PTPRQ: variants seen among roughly 807,000 people sequenced by gnomAD.
The protein encoded by PTPRQ is phosphatidylinositol phosphatase PTPRQ.
Under a neutral mutation model 246.0 loss-of-function variants are expected in PTPRQ, and 199 were observed. The ratio of observed to expected loss-of-function variants is 0.81; its 90% confidence interval spans 0.72 to 0.91. The LOEUF (loss-of-function observed/expected upper bound fraction) is 0.91, where lower values mean the gene tolerates loss of function less well. Among genes scored for constraint, PTPRQ ranks in the 40% least tolerant of loss-of-function variants. PTPRQ has a pLI of 0.00. For synonymous variants in PTPRQ, 869 were observed against 853.2 expected, an observed-to-expected ratio of 1.02 and a Z score of -0.32; for missense variants, 2,624 against 2,528.4, an observed-to-expected ratio of 1.04 and a Z score of -0.81.
At chr12:80,540,804 C>G (rs1382809504) in intron 20 of PTPRQ, among the ~76,000 whole-genome samples, 1 of 152,066 alleles carries the variant, frequency 6.6e-6, no homozygotes, top group Non-Finnish European at 1.5e-5. Context: ...AATATATGAT[C>G]AATACCATTT....
chr12:80,622,429 C>A (rs1899030022), intron 33 of PTPRQ, among the ~76,000 whole-genome samples: 1 of 151,790 alleles, frequency 6.6e-6, no homozygotes, highest in Admixed American at 6.6e-5. Context: ...AAGTCTGGAG[C>A]CATTTTTGGC....
intron 17 of PTPRQ, among the ~76,000 whole-genome samples, chr12:80,522,845 C>T (rs1895547452): frequency 6.6e-6 from 1 of 152,086 alleles, no homozygotes; most frequent in South Asian, 2.1e-4. Context: ...GTGTCTCTGC[C>T]AGGCTTTGGT....
intron 25 of PTPRQ, among the ~76,000 whole-genome samples, chr12:80,583,372 G>A (rs1174111641): frequency 6.6e-6 from 1 of 152,122 alleles, no homozygotes; most frequent in Middle Eastern, 3.2e-3. Context: ...GGATGCGGAA[G>A]CAAAATCTTT....
rs749210663 is a variant in PTPRQ at position 80,669,466 on chromosome 12, T to TA, written c.6453+12dup. The TA allele has an allele frequency of 3.0e-3, 3,531 of 1,196,376 alleles. No homozygotes were observed. Among genetic ancestry groups the TA allele is most frequent in the Admixed American group, 7.9e-3 (279 of 35,168 alleles). The allele number at this position is 1,196,376 out of a possible 1,614,324, so 74.1% of individuals were successfully genotyped here. ...ATCAGGGATCTGAAAATTGAAAGGG[T>TA]AAAAAAAAAAGGGGGGGACGAGAGA... On this transcript the variant is annotated splice_region_variant and intron_variant, in intron 41 of 44. Coordinates refer to ENST00000644991, the MANE Select transcript of PTPRQ (RefSeq NM_001145026.2).
At chr12:80,588,498 G>C (rs185740816) in intron 26 of PTPRQ, 46 bp downstream of exon 26, 1 of 1,420,922 alleles carries the variant, frequency 7.0e-7, no homozygotes, top group African/African-American at 1.4e-5. Context: ...GTTATATTCT[G>C]TATCTGTCTA....
At position 80,611,731 on chromosome 12, in the gene PTPRQ, G is replaced by A. The variant is rs368829961; in HGVS notation, c.4918+1106G>A. Among the ~76,000 whole-genome samples, 14 of 150,418 alleles carry A rather than the reference G, an allele frequency of 9.3e-5. No individual in the cohort carries two copies. In the East Asian group the frequency reaches 1.8e-3, roughly 19 times the overall value. ...GTATAACCAAAAATCTGGGTACTAGGAAATTTTTTACAACATTGAGAGAAT... is the reference window on the plus strand; with the variant it reads ...GTATAACCAAAAATCTGGGTACTAGAAAATTTTTTACAACATTGAGAGAAT... On this transcript the variant is annotated intron_variant, in intron 28 of 44. Coordinates refer to ENST00000644991, the MANE Select transcript of PTPRQ (RefSeq NM_001145026.2).
intron 38 of PTPRQ, among the ~76,000 whole-genome samples, chr12:80,654,048 C>CTTTT (rs1565843384): frequency 7.1e-6 from 1 of 141,386 alleles, no homozygotes; most frequent in African/African-American, 2.8e-5. Context: ...TTCTTTCTTT[C>CTTTT]TTTTCTTTCT....
chr12:80,508,859 C>T (rs10862156), intron 16 of PTPRQ, among the ~76,000 whole-genome samples: 48,877 of 151,754 alleles, frequency 0.32, 9,157 homozygotes, highest in African/African-American at 0.51. Context: ...AAAGACACCA[C>T]GCTTTATCTG....
At chr12:80,666,577 G>T (rs1900793111) in intron 39 of PTPRQ, among the ~76,000 whole-genome samples, 1 of 151,914 alleles carries the variant, frequency 6.6e-6, no homozygotes, top group African/African-American at 2.4e-5. Flanking sequence ...CCAACATAAA[G>T]AAATTATAAA....
At chr12:80,674,740 C>A (rs897624158) in intron 43 of PTPRQ, among the ~76,000 whole-genome samples, 1 of 151,940 alleles carries the variant, frequency 6.6e-6, no homozygotes, top group East Asian at 1.9e-4. Context: ...TAGGTATTCT[C>A]AAAAAAGAAA....
chr12:80,452,185 A>G (rs1466190032), intron 3 of PTPRQ, among the ~76,000 whole-genome samples: 17 of 139,826 alleles, frequency 1.2e-4, no homozygotes, highest in African/African-American at 4.7e-4. Flanking sequence ...TAGGATTGCA[A>G]CCCCTGCCTT....
intron 3 of PTPRQ, among the ~76,000 whole-genome samples, chr12:80,450,714 C>T (rs903490895): frequency 6.6e-6 from 1 of 152,178 alleles, no homozygotes; most frequent in Non-Finnish European, 1.5e-5. Context: ...AGCCTTGCAT[C>T]CCAGGGATGA....
chr12:80,482,577 A>C (rs1156566145), intron 8 of PTPRQ, among the ~76,000 whole-genome samples: 1 of 150,524 alleles, frequency 6.6e-6, no homozygotes, highest in Non-Finnish European at 1.5e-5. Context: ...CTACCATCAG[A>C]GCGAACAGGC....
chr12:80,444,446 T>C (rs1406156772), intron 1 of PTPRQ, 47 bp downstream of exon 1: 2 of 1,099,582 alleles, frequency 1.8e-6, no homozygotes, highest in Non-Finnish European at 1.3e-6. Flanking sequence ...TCATGGGCTG[T>C]AGATTTCTCA....
chr12:80,573,863 A>G (rs917315767), intron 25 of PTPRQ, among the ~76,000 whole-genome samples: 1 of 151,986 alleles, frequency 6.6e-6, no homozygotes, highest in Non-Finnish European at 1.5e-5. Context: ...GATCATTATG[A>G]TTTTCTTGCT....
chr12:80,571,721 T>G (rs1356389619), intron 25 of PTPRQ, among the ~76,000 whole-genome samples: 5 of 151,174 alleles, frequency 3.3e-5, no homozygotes, highest in African/African-American at 7.3e-5. Flanking sequence ...TGATTCAAAG[T>G]TTTTTTTTGT....
chr12:80,621,058 T>C (rs1366178530), intron 32 of PTPRQ, among the ~76,000 whole-genome samples: 1 of 151,930 alleles, frequency 6.6e-6, no homozygotes, highest in Non-Finnish European at 1.5e-5. Context: ...TAATTTTTAC[T>C]AGTAATTTTT....
At position 80,479,903 on chromosome 12, in the gene PTPRQ, G is replaced by A. The variant is rs1416511849; in HGVS notation, c.1187-4530G>A. On this transcript the variant is annotated intron_variant, in intron 8 of 44. Coordinates refer to ENST00000644991, the MANE Select transcript of PTPRQ (RefSeq NM_001145026.2). ...CCTGAGTGACCTACAAAGAGACTTA[G>A]ACTCCCACACATTAATAATGGGAGA... Among the ~76,000 whole-genome samples the A allele has an allele frequency of 5.9e-5, 9 of 151,410 alleles. No individual in the cohort carries two copies. The South Asian group carries it at 1.7e-3, about 28-fold the overall frequency.
At chr12:80,480,441 G>T (rs1169506174) in intron 8 of PTPRQ, among the ~76,000 whole-genome samples, 2 of 151,392 alleles carry the variant, frequency 1.3e-5, no homozygotes, top group African/African-American at 2.4e-5. Flanking sequence ...AAAATTGACA[G>T]CCTAACATCA....
Sources: gnomAD v4.1 joint callset for allele counts (sites outside exome capture counted in the v4.1 genomes callset) on GRCh38, gnomAD v4.1.1 for gene constraint, MANE v1.5 for transcripts, NCBI Gene and HGNC (gene_info 2026-07-23, HGNC 2026-07-21) for gene names.